The following TBATA variants were observed in gnomAD, a reference collection of about 807,000 sequenced individuals.
TBATA encodes protein TBATA.
TBATA carries 47 observed loss-of-function variants against 38.7 expected under a neutral mutation model. The observed-to-expected ratio is 1.21, with a 90% CI of 0.96 to 1.55. TBATA has a LOEUF of 1.55. TBATA is among the 40% of genes most tolerant of loss of function. TBATA has a pLI of 0.00. For synonymous variants in TBATA, 183 were observed against 170.5 expected (o/e 1.07, Z -0.57); for missense variants, 436 against 435.6 (o/e 1.00, Z -0.01).
At chr10:70,778,806 C>G (rs1843755168) in intron 5 of TBATA, 170 bp from the exon 6 acceptor site, 1 of 700,040 alleles carries the variant, frequency 1.4e-6, no homozygotes, top group Non-Finnish European at 2.6e-6. Context: ...GGATTCACAC[C>G]ATGGGTGGTG....
At chr10:70,782,105 C>T in intron 3 of TBATA, 69 bp from the exon 4 acceptor site, 1 of 1,515,728 alleles carries the variant, frequency 6.6e-7, no homozygotes, top group South Asian at 1.2e-5. Context: ...GGGCTCAGAG[C>T]TCAGTGCTTG....
intron 5 of TBATA, among the ~76,000 whole-genome samples, chr10:70,779,225 G>C (rs561839142): frequency 6.6e-5 from 10 of 152,342 alleles, no homozygotes; most frequent in African/African-American, 1.7e-4. Flanking sequence ...AGCCAGCACT[G>C]TGGCTGATTG....
At chr10:70,774,069 G>C in intron 9 of TBATA, 144 bp downstream of exon 9, 2 of 1,133,220 alleles carry the variant, frequency 1.8e-6, no homozygotes, top group Non-Finnish European at 2.4e-6. Flanking sequence ...GAAGGTCCCT[G>C]GGGGAGGGGC....
At chr10:70,773,079 A>G (rs537960955) in intron 9 of TBATA, among the ~76,000 whole-genome samples, 1 of 152,138 alleles carries the variant, frequency 6.6e-6, no homozygotes, top group East Asian at 1.9e-4. Flanking sequence ...CTTTTGAGAG[A>G]TAGTTGAAGC....
At chr10:70,782,751 G>C (rs4517438) in intron 3 of TBATA, 233,392 of 639,308 alleles carry the variant, frequency 0.37, 43,642 homozygotes, top group South Asian at 0.47. Flanking sequence ...TGCCCTTGGA[G>C]GAAGGTCAAG....
chr10:70,779,779 G>T (rs770828230), intron 4 of TBATA, 37 bp from the exon 5 acceptor site: 2 of 1,511,806 alleles, frequency 1.3e-6, no homozygotes, highest in South Asian at 1.4e-5. Flanking sequence ...GGGAGGCTTA[G>T]GTGGACCTTA....
chr10:70,780,937 G>T (rs1029992385), intron 4 of TBATA, among the ~76,000 whole-genome samples: 1 of 152,194 alleles, frequency 6.6e-6, no homozygotes, highest in African/African-American at 2.4e-5. Context: ...TAAGACAGAG[G>T]CCAGGATGAC....
intron 4 of TBATA, among the ~76,000 whole-genome samples, chr10:70,780,885 C>T (rs976096182): frequency 6.6e-6 from 1 of 152,196 alleles, no homozygotes; most frequent in Non-Finnish European, 1.5e-5. Context: ...CAGCATAGAG[C>T]CACTGAGTCT....
At chr10:70,782,389 C>T (rs1435666029) in intron 3 of TBATA, 3 of 1,324,720 alleles carry the variant, frequency 2.3e-6, no homozygotes, top group Middle Eastern at 2.0e-4. Context: ...GCAAAGTCAC[C>T]TTATATACAT....
rs770833195 is a variant in TBATA, at chr10:70,777,223, C to T, written c.623G>A (p.Gly208Asp). 14 of 1,613,614 alleles carry T rather than the reference C, an allele frequency of 8.7e-6. No individual in the cohort carries two copies. The highest frequency in any genetic ancestry group is 1.2e-5 in the Non-Finnish European group (14 of 1,179,938). ...TCTGCTGGAAGACTGACTCTGCTGG[C>T]CCTGGTGAGATCTGCGGCGGCCGAC... Reference protein sequence around the residue: ...RAVGRRRSHQGQQSQSSSRHE... With the variant: ...RAVGRRRSHQDQQSQSSSRHE... Residue 208 changes from glycine (G) to aspartate (D), a missense_variant, in exon 7 of 11, where the codon GGC (glycine) becomes GAC (aspartate). By Grantham distance (94) the Gly-to-Asp change is moderately conservative. Coordinates refer to ENST00000456372, the MANE Select transcript of TBATA (RefSeq NM_001318241.2).
chr10:70,782,622 A>C, intron 3 of TBATA: 1 of 985,436 alleles, frequency 1.0e-6, no homozygotes, highest in Non-Finnish European at 1.2e-6. Flanking sequence ...CGCAGCAGCT[A>C]CTGGGGCTGT....
At chr10:70,772,473 C>G (rs771015912) in intron 10 of TBATA, 41 bp downstream of exon 10, 65 of 1,602,668 alleles carry the variant, frequency 4.1e-5, no homozygotes, top group Non-Finnish European at 5.4e-5. Context: ...CAGAGTGGGC[C>G]TTGGTGAGTC....
chr10:70,776,324 C>A, intron 7 of TBATA: 2 of 456,402 alleles, frequency 4.4e-6, no homozygotes, highest in Middle Eastern at 6.5e-4. Context: ...GTCCAACTTA[C>A]CTGCCTTGTG....
intron 9 of TBATA, among the ~76,000 whole-genome samples, chr10:70,773,466 C>CA (rs1842988415): frequency 2.4e-4 from 1 of 4,124 alleles, no homozygotes; most frequent in East Asian, 0.028. Flanking sequence ...AAAATACAGG[C>CA]CCCCCCGGCT....
intron 4 of TBATA, among the ~76,000 whole-genome samples, chr10:70,780,744 CTCAG>C (rs1480252659): frequency 1.3e-5 from 2 of 152,202 alleles, no homozygotes; most frequent in African/African-American, 4.8e-5. Context: ...ATTTCCCTGC[CTCAG>C]TCAATGTACT....
chr10:70,784,929 C>T (rs1564603560), intron 1 of TBATA, among the ~76,000 whole-genome samples, 156 bp from the exon 2 acceptor site: 1 of 152,200 alleles, frequency 6.6e-6, no homozygotes, highest in Non-Finnish European at 1.5e-5. Context: ...TTTATCCGTA[C>T]TACATATGAT....
intron 1 of TBATA, among the ~76,000 whole-genome samples, 153 bp downstream of exon 1, chr10:70,785,132 C>T (rs1270081282): frequency 6.6e-6 from 1 of 152,152 alleles, no homozygotes; most frequent in Non-Finnish European, 1.5e-5. Flanking sequence ...GTCTGCCCTG[C>T]CCTGCCCCTG....
chr10:70,782,155 C>A, intron 3 of TBATA, 119 bp from the exon 4 acceptor site: 2 of 1,287,466 alleles, frequency 1.6e-6, no homozygotes, highest in South Asian at 2.8e-5. Context: ...AATCTGGTTT[C>A]CTGGGTTTCA....
In TBATA at chr10:70,773,989, G is replaced by A. The variant is rs558216369; in HGVS notation, c.920+224C>T. Among the ~76,000 whole-genome samples, 5 of 152,250 alleles carry A rather than the reference G, an allele frequency of 3.3e-5. No homozygotes were observed. In the South Asian group the frequency reaches 1.0e-3, roughly 32 times the overall value. The stretch of plus-strand genomic sequence containing the variant: ...AATTGACTCCGGTGGCCCCCTTGGG[G>A]TGTCCCCAGCCCTGGCAGTTTGGGG... On this transcript the variant is annotated intron_variant, in intron 9 of 10. Transcript: ENST00000456372.
Sources: gnomAD v4.1 joint callset for allele counts (sites outside exome capture counted in the v4.1 genomes callset) on GRCh38, gnomAD v4.1.1 for gene constraint, MANE v1.5 for transcripts, NCBI Gene and HGNC (gene_info 2026-07-23, HGNC 2026-07-21) for gene names.